The following PPP2R3B variants were observed in gnomAD, a reference collection of about 807,000 sequenced individuals.
PPP2R3B encodes serine/threonine-protein phosphatase 2A regulatory subunit B'' subunit beta.
In PPP2R3B, 68 loss-of-function variants were observed where a neutral mutation model predicts 72.9. The ratio of observed to expected loss-of-function variants is 0.93; its 90% CI spans 0.77 to 1.14. The LOEUF (loss-of-function observed/expected upper bound fraction) is 1.14. Ranked by LOEUF, PPP2R3B falls within the 50% of genes most tolerant of loss-of-function variation. The pLI, the probability that PPP2R3B is intolerant of heterozygous loss-of-function variation, is 0.00. For synonymous variants in PPP2R3B, 466 were observed against 375.8 expected (o/e 1.24, Z -2.78); for missense variants, 1,018 against 842.0 (o/e 1.21, Z -2.59).
chrX:347,844 C>G (rs778691190), intron 2 of PPP2R3B, 151 bp from the exon 3 acceptor site: 3 of 595,182 alleles, frequency 5.0e-6, no homozygotes, highest in South Asian at 2.2e-5. Flanking sequence ...CATCTGCAAA[C>G]TCAACGTGGC....
chrX:383,754 C>G (rs938093841), intron 1 of PPP2R3B, among the ~76,000 whole-genome samples: 7 of 135,390 alleles, frequency 5.2e-5, no homozygotes, highest in African/African-American at 1.9e-4. Flanking sequence ...AGGAGAATGG[C>G]GTGAACCCGG....
Position 347,219 on chromosome X carries a change from G to C in PPP2R3B, c.717+15C>G. On this transcript the variant is annotated intron_variant, in intron 4 of 12. Transcript: ENST00000390665. ...CGTGAAGGATAAGGCCTGTGGTGTA[G>C]ACGCAGGCTCTCACCTGCAAGAAGG... is the stretch of plus-strand genomic sequence containing the variant. 1 of 1,605,660 alleles carries C rather than the reference G, an allele frequency of 6.2e-7. No homozygotes were observed. The highest frequency in any genetic ancestry group is 8.5e-7 in the Non-Finnish European group (1 of 1,173,002).
At chrX:345,116 C>G (rs1409760049) in intron 7 of PPP2R3B, 1 of 483,012 alleles carries the variant, frequency 2.1e-6, no homozygotes, top group Non-Finnish European at 4.1e-6. Context: ...CTCCACCTAG[C>G]CCGGGATTGG....
chrX:368,273 C>A (rs2124310561), intron 1 of PPP2R3B, among the ~76,000 whole-genome samples: 1 of 140,710 alleles, frequency 7.1e-6, no homozygotes, highest in Non-Finnish European at 1.5e-5. Flanking sequence ...ACGGGGAAGG[C>A]CGGGACCACC....
intron 1 of PPP2R3B, among the ~76,000 whole-genome samples, chrX:375,903 T>G (rs1342771114): frequency 6.8e-6 from 1 of 147,954 alleles, no homozygotes; most frequent in Admixed American, 6.7e-5. Context: ...TACAAGACTT[T>G]TGGAACACAG....
chrX:341,980 G>C (rs761534845), intron 7 of PPP2R3B, 49 bp from the exon 8 acceptor site: 1 of 1,604,538 alleles, frequency 6.2e-7, no homozygotes, highest in South Asian at 1.1e-5. Flanking sequence ...CCTCGGCCCC[G>C]ACGTCACCAC....
chrX:369,034 A>T lies in PPP2R3B; in HGVS notation c.325-7444T>A, dbSNP rs143568000. On this transcript the variant is annotated intron_variant, in intron 1 of 12. Transcript: ENST00000390665. ...AGACTCGGCCCCAGCACAGCTGCAG[A>T]GCACACATTCTTTTCAACACACACA... Among the ~76,000 whole-genome samples the T allele has an allele frequency of 5.3e-3, 808 of 152,360 alleles. 11 individuals carry two copies. The highest frequency in any genetic ancestry group is 0.019 in the African/African-American group (771 of 41,584).
At chrX:343,632 G>A (rs1422465092) in intron 7 of PPP2R3B, among the ~76,000 whole-genome samples, 16 of 8,540 alleles carry the variant, frequency 1.9e-3, no homozygotes, top group South Asian at 8.8e-3. Flanking sequence ...GTGAGACCTC[G>A]CCAACGGGAG....
intron 1 of PPP2R3B, among the ~76,000 whole-genome samples, chrX:384,249 G>A (rs1001505770): frequency 1.3e-5 from 2 of 150,758 alleles, no homozygotes; most frequent in Non-Finnish European, 2.9e-5. Flanking sequence ...TCAAGCTCGC[G>A]CACGCAAGAA....
intron 2 of PPP2R3B, chrX:359,919 G>A (rs1249857398): frequency 2.2e-6 from 1 of 464,314 alleles, no homozygotes; most frequent in African/African-American, 2.1e-5. Flanking sequence ...TGCTCACTTT[G>A]TAACCATGGA....
intron 10 of PPP2R3B, among the ~76,000 whole-genome samples, chrX:340,459 C>T (rs1301332301): frequency 8.5e-6 from 1 of 118,124 alleles, no homozygotes; most frequent in African/African-American, 3.5e-5. Context: ...TCCCCCCTCC[C>T]GTCTGTCCCC....
At position 341,365 on chromosome X, in the gene PPP2R3B, T is replaced by G; in HGVS notation, c.1117A>C (p.Ser373Arg). 2 of 1,612,744 alleles carry G rather than the reference T, an allele frequency of 1.2e-6. No homozygotes were observed. The highest frequency in any genetic ancestry group is 1.7e-6 in the Non-Finnish European group (2 of 1,179,738). The change falls in exon 9 of 13, where the codon AGC (serine) becomes CGC (arginine). Residue 373 changes from serine to arginine, a missense_variant. Coordinates refer to ENST00000390665, the MANE Select transcript of PPP2R3B (RefSeq NM_013239.5). ...GRKVQKEGKISYADFVWFLIS... is the reference protein window; with the variant it reads ...GRKVQKEGKIRYADFVWFLIS... ...AAAAACCAGACAAAGTCGGCATAGC[T>G]GATCTTCCCTTCCTTCTGCACTTTT... is the stretch of plus-strand genomic sequence containing the variant.
At chrX:360,549 A>T (rs918106186) in intron 2 of PPP2R3B, among the ~76,000 whole-genome samples, 1 of 152,120 alleles carries the variant, frequency 6.6e-6, no homozygotes, top group Non-Finnish European at 1.5e-5. Flanking sequence ...AGCAAACCCA[A>T]AAAACAAAAA....
At chrX:368,970 G>T (rs2071796201) in intron 1 of PPP2R3B, among the ~76,000 whole-genome samples, 1 of 152,228 alleles carries the variant, frequency 6.6e-6, no homozygotes, top group Non-Finnish European at 1.5e-5. Flanking sequence ...CCCCATGCGG[G>T]CACAGAAGAT....
chrX:350,795 G>A (rs1323623309), intron 2 of PPP2R3B, among the ~76,000 whole-genome samples: 20 of 152,326 alleles, frequency 1.3e-4, no homozygotes, highest in Admixed American at 5.9e-4. Flanking sequence ...CCCACGGGGC[G>A]GCTGAGCGTA....
chrX:348,679 G>C (rs752694012), intron 2 of PPP2R3B, among the ~76,000 whole-genome samples: 4 of 152,188 alleles, frequency 2.6e-5, no homozygotes, highest in African/African-American at 9.6e-5. Flanking sequence ...TAAGTCAGAT[G>C]ACTGCTGAAA....
intron 1 of PPP2R3B, among the ~76,000 whole-genome samples, chrX:375,786 C>G (rs2071978522): frequency 6.6e-6 from 1 of 152,256 alleles, no homozygotes; most frequent in East Asian, 1.9e-4. Flanking sequence ...GATCCTCACA[C>G]TCAGGCAACA....
chrX:386,703 G>C lies in PPP2R3B; in HGVS notation c.-12C>G, dbSNP rs1325855791. 4 of 1,262,014 alleles carry C rather than the reference G, an allele frequency of 3.2e-6. No homozygotes were observed. Among genetic ancestry groups the C allele is most frequent in the South Asian group, 2.8e-5 (1 of 35,360 alleles). The allele number at this position is 1,262,014 out of a possible 1,614,324, so 78.2% of individuals were successfully genotyped here. ...TTGCCGGGCGGCATGGCGGGGGCTG[G>C]GCCCGCGGCGCCCCCGGACGCCCGC... On this transcript the variant is annotated 5_prime_UTR_variant, in exon 1 of 13. Transcript: ENST00000390665.
Position 384,282 on chromosome X carries a change from C to CTATA in PPP2R3B, c.324+2082_324+2085dup, listed in dbSNP as rs57842842. Among the ~76,000 whole-genome samples the CTATA allele has an allele frequency of 2.4e-3, 342 of 140,078 alleles. 5 individuals are homozygous for CTATA. Among genetic ancestry groups the CTATA allele is most frequent in the African/African-American group, 8.1e-3 (302 of 37,208 alleles). 91.9% of individuals were successfully genotyped at this position (140,078 alleles called of 152,430 possible). On this transcript the variant is annotated intron_variant, in intron 1 of 12. Coordinates refer to ENST00000390665, the MANE Select transcript of PPP2R3B (RefSeq NM_013239.5). The stretch of plus-strand genomic sequence containing the variant: ...GAAGACTCTCTCTCTCTCTCTCTCT[C>CTATA]TATATATATATATATACTTTTTTTT...
Sources: allele counts gnomAD v4.1 joint callset (sites outside exome capture counted in the v4.1 genomes callset), GRCh38; gene constraint gnomAD v4.1.1; transcripts MANE v1.5; gene names NCBI Gene and HGNC (gene_info 2026-07-23, HGNC 2026-07-21).